JAZF1: variants seen among roughly 807,000 people sequenced by gnomAD.
JAZF1 encodes juxtaposed with another zinc finger protein 1.
In JAZF1, 8 loss-of-function variants were observed where a neutral mutation model predicts 26.4. The ratio of observed to expected loss-of-function variants is 0.30; its 90% CI spans 0.18 to 0.55. The LOEUF (loss-of-function observed/expected upper bound fraction) is 0.55, where lower values mean the gene tolerates loss of function less well. JAZF1 is among the 20% of genes least tolerant of loss of function. The pLI is 0.94. For synonymous variants in JAZF1, 126 were observed against 122.3 expected (o/e 1.03, Z -0.20); for missense variants, 199 against 322.0 (o/e 0.62, Z 2.92).
chr7:27,969,768 T>A (rs546267750), intron 2 of JAZF1, among the ~76,000 whole-genome samples: 1 of 150,508 alleles, frequency 6.6e-6, no homozygotes, highest in East Asian at 2.0e-4. Context: ...GAGCTGCAGG[T>A]TTTTAGAGGC....
intron 1 of JAZF1, among the ~76,000 whole-genome samples, chr7:28,134,466 CTTTTT>C (rs11301719): frequency 7.5e-6 from 1 of 133,164 alleles, no homozygotes; most frequent in Non-Finnish European, 1.6e-5. Flanking sequence ...GCATGCCTAG[CTTTTT>C]TTTTTTTTTT....
At chr7:28,166,552 GT>G (rs1417870204) in intron 1 of JAZF1, among the ~76,000 whole-genome samples, 4 of 152,056 alleles carry the variant, frequency 2.6e-5, no homozygotes, top group African/African-American at 9.7e-5. Flanking sequence ...ATCATCTCTT[GT>G]TTTTTCCATT....
chr7:28,153,185 T>C (rs1164707392), intron 1 of JAZF1, among the ~76,000 whole-genome samples: 1 of 152,186 alleles, frequency 6.6e-6, no homozygotes, highest in Non-Finnish European at 1.5e-5. Flanking sequence ...CTACTTGGTT[T>C]GCTCATCTTG....
At chr7:27,934,861 C>T (rs185038066) in intron 2 of JAZF1, among the ~76,000 whole-genome samples, 5 of 152,112 alleles carry the variant, frequency 3.3e-5, no homozygotes, top group African/African-American at 7.2e-5. Flanking sequence ...AATTAGACTT[C>T]GTTAAAACTA....
intron 1 of JAZF1, among the ~76,000 whole-genome samples, chr7:28,055,533 T>C (rs745548663): frequency 6.6e-6 from 1 of 152,200 alleles, no homozygotes; most frequent in Non-Finnish European, 1.5e-5. Flanking sequence ...TATGTATGTA[T>C]ACCTTTCCAG....
In JAZF1 at chr7:28,027,488, T is replaced by C. The variant is rs142533084; in HGVS notation, c.116-35507A>G. Among the ~76,000 whole-genome samples the C allele has an allele frequency of 4.2e-3, 633 of 152,302 alleles. 10 individuals are homozygous for C. Among genetic ancestry groups the C allele is most frequent in the African/African-American group, 0.015 (605 of 41,558 alleles). On this transcript the variant is annotated intron_variant, in intron 1 of 4. Coordinates refer to ENST00000283928, the MANE Select transcript of JAZF1 (RefSeq NM_175061.4). ...TTACCATTGGCATATTGATAAAGTT[T>C]TTTGATAAAATTTTACTGCCCCATG...
chr7:27,856,457 G>C (rs188902161), intron 3 of JAZF1, among the ~76,000 whole-genome samples: 1 of 152,152 alleles, frequency 6.6e-6, no homozygotes, highest in African/African-American at 2.4e-5. Flanking sequence ...GGACCTGAGC[G>C]GGTTGCCACT....
intron 1 of JAZF1, among the ~76,000 whole-genome samples, chr7:28,179,696 G>C (rs1452575296): frequency 6.7e-6 from 1 of 148,224 alleles, no homozygotes; most frequent in Non-Finnish European, 1.5e-5. Flanking sequence ...GCCGGGGCAG[G>C]GGAGGGCACC....
intron 2 of JAZF1, among the ~76,000 whole-genome samples, chr7:27,940,245 A>G (rs1176736397): frequency 1.3e-5 from 2 of 152,024 alleles, no homozygotes; most frequent in Admixed American, 6.5e-5. Context: ...GAAGAAGGTG[A>G]CACCTTTCTG....
intron 1 of JAZF1, among the ~76,000 whole-genome samples, chr7:28,167,966 C>T (rs575751600): frequency 2.2e-4 from 33 of 152,332 alleles, no homozygotes; most frequent in African/African-American, 7.5e-4. Context: ...GCCATTCATA[C>T]GTGCTTCATT....
intron 1 of JAZF1, among the ~76,000 whole-genome samples, chr7:28,154,066 C>T (rs1783146286): frequency 6.6e-6 from 1 of 152,162 alleles, no homozygotes; most frequent in South Asian, 2.1e-4. Context: ...TGAAGAGGTA[C>T]ACATGAAGAT....
intron 2 of JAZF1, among the ~76,000 whole-genome samples, chr7:27,989,756 A>C (rs149867404): frequency 2.0e-3 from 306 of 152,342 alleles, no homozygotes; most frequent in African/African-American, 7.1e-3. Context: ...ACCAGTTAGA[A>C]TGGCAATCAT....
At chr7:28,153,077 A>T (rs1783133534) in intron 1 of JAZF1, among the ~76,000 whole-genome samples, 1 of 152,220 alleles carries the variant, frequency 6.6e-6, no homozygotes, top group South Asian at 2.1e-4. Context: ...CAACTTCCAG[A>T]GACCAATGTC....
At position 27,831,585 on chromosome 7, in the gene JAZF1, T is replaced by G. The variant is rs1782701154; in HGVS notation, c.*1215A>C. 1.3e-5 allele frequency: 3 copies of G among 226,438 alleles called. No individual in the cohort carries two copies. Among genetic ancestry groups the G allele is most frequent in the Non-Finnish European group, 2.6e-5 (3 of 113,466 alleles). The allele number at this position is 226,438 out of a possible 1,614,324, so 14.0% of individuals were successfully genotyped here. A position where few individuals can be genotyped will look rare whatever the true frequency, so the allele number is the denominator to read the frequency against. On this transcript the variant is annotated 3_prime_UTR_variant, in exon 5 of 5. Coordinates refer to ENST00000283928, the MANE Select transcript of JAZF1 (RefSeq NM_175061.4). ...TTTGACCACCTGCTGCAAGAAGCAC[T>G]TAATTGTCAATAAGGCTCATTTTCC...
chr7:27,889,761 A>G (rs62451084), intron 3 of JAZF1, among the ~76,000 whole-genome samples: 29,811 of 151,916 alleles, frequency 0.2, 3,439 homozygotes, highest in East Asian at 0.52. Context: ...GCAAAAACCC[A>G]CCTCTACTAA....
intron 3 of JAZF1, among the ~76,000 whole-genome samples, chr7:27,881,078 TG>T (rs1414444123): frequency 3.9e-5 from 6 of 152,264 alleles, no homozygotes; most frequent in Non-Finnish European, 4.4e-5. Context: ...ATTCCAGAAA[TG>T]GTCTCATTTT....
At chr7:27,926,850 G>A (rs1192848426) in intron 2 of JAZF1, among the ~76,000 whole-genome samples, 1 of 152,194 alleles carries the variant, frequency 6.6e-6, no homozygotes, top group Non-Finnish European at 1.5e-5. Flanking sequence ...TGTAGTGGCA[G>A]GAGGCAACAA....
intron 1 of JAZF1, among the ~76,000 whole-genome samples, chr7:28,148,809 C>T (rs957068079): frequency 1.3e-4 from 20 of 152,190 alleles, no homozygotes; most frequent in Admixed American, 6.5e-5. Flanking sequence ...AACAATCAGA[C>T]AGCAACAAAG....
intron 3 of JAZF1, among the ~76,000 whole-genome samples, chr7:27,854,233 T>C (rs1321368987): frequency 1.3e-5 from 2 of 152,222 alleles, no homozygotes; most frequent in Non-Finnish European, 2.9e-5. Context: ...GTAAATATTC[T>C]TCCATCCCTT....
Sources: gnomAD v4.1 joint callset for allele counts (sites outside exome capture counted in the v4.1 genomes callset) on GRCh38, gnomAD v4.1.1 for gene constraint, MANE v1.5 for transcripts, NCBI Gene and HGNC (gene_info 2026-07-23, HGNC 2026-07-21) for gene names.